RAPGEF4: variants seen among roughly 807,000 people sequenced by gnomAD.
RAPGEF4 encodes the protein RAP guanine-nucleotide-exchange factor (GEF) 4.
A neutral mutation model predicts 147.9 loss-of-function variants in RAPGEF4; 66 were observed. The ratio of observed to expected loss-of-function variants is 0.45; its 90% CI spans 0.37 to 0.55. RAPGEF4 has a LOEUF of 0.55. Ranked by LOEUF, RAPGEF4 falls within the 20% of genes least tolerant of loss-of-function variation. The pLI is 0.00. For synonymous variants in RAPGEF4, 419 were observed against 442.7 expected (o/e 0.95, Z 0.67); for missense variants, 1,071 against 1,257.3 (o/e 0.85, Z 2.24).
In RAPGEF4 at chr2:173,027,204, T is replaced by C; in HGVS notation, c.2503T>C (p.Ser835Pro). ...FWVVTEICLC[S>P]QLSKRVQLLK... ...GGTCGTCACTGAGATCTGCCTTTGT[T>C]CTCAGCTCAGCAAGCGTGTTCAGCT... The change falls in exon 25 of 31, where the codon TCT becomes CCT. Residue 835 changes from serine to proline, a missense_variant. Ser to Pro is a moderately conservative substitution (Grantham distance 74). Coordinates refer to ENST00000397081, the MANE Select transcript of RAPGEF4 (RefSeq NM_007023.4). The C allele has an allele frequency of 6.2e-7, 1 of 1,613,350 alleles. No homozygotes were observed. Among genetic ancestry groups the C allele is most frequent in the Non-Finnish European group, 8.5e-7 (1 of 1,179,854 alleles).
intron 17 of RAPGEF4, among the ~76,000 whole-genome samples, chr2:173,001,993 CAAAAAAAAA>C (rs11397728): frequency 1.3e-5 from 1 of 79,312 alleles, no homozygotes; most frequent in East Asian, 6.7e-4. Flanking sequence ...GTGATGCTGG[CAAAAAAAAA>C]AAAAAAAAAA....
chr2:173,022,818 T>C (rs1438381808), intron 23 of RAPGEF4, among the ~76,000 whole-genome samples: 1 of 152,190 alleles, frequency 6.6e-6, no homozygotes, highest in African/African-American at 2.4e-5. Context: ...TGGTTAAGGG[T>C]TCAGATTCTG....
intron 1 of RAPGEF4, among the ~76,000 whole-genome samples, chr2:172,768,980 C>T (rs1697106008): frequency 6.6e-6 from 1 of 152,180 alleles, no homozygotes; most frequent in African/African-American, 2.4e-5. Context: ...CCCACAGAAG[C>T]ACCAACATGG....
At chr2:172,780,639 G>A (rs1331654891) in intron 1 of RAPGEF4, among the ~76,000 whole-genome samples, 6 of 152,132 alleles carry the variant, frequency 3.9e-5, no homozygotes, top group Non-Finnish European at 8.8e-5. Flanking sequence ...GCATATTTTG[G>A]AGTGGAATAT....
At chr2:172,885,730 C>T (rs1358194059) in intron 4 of RAPGEF4, among the ~76,000 whole-genome samples, 1 of 152,150 alleles carries the variant, frequency 6.6e-6, no homozygotes, top group Non-Finnish European at 1.5e-5. Flanking sequence ...GGGCCCCTTC[C>T]ACAACACATA....
intron 4 of RAPGEF4, among the ~76,000 whole-genome samples, chr2:172,829,304 GT>G (rs1690030719): frequency 6.6e-6 from 1 of 152,222 alleles, no homozygotes; most frequent in African/African-American, 2.4e-5. Flanking sequence ...TCAGGCCGGG[GT>G]TCTTGAGTAG....
chr2:172,968,013 C>T (rs1690039992), intron 10 of RAPGEF4, among the ~76,000 whole-genome samples: 1 of 152,194 alleles, frequency 6.6e-6, no homozygotes, highest in Non-Finnish European at 1.5e-5. Context: ...CCCACCTTAC[C>T]TTCAGGAGCA....
intron 1 of RAPGEF4, among the ~76,000 whole-genome samples, chr2:172,752,392 A>G (rs1695381554): frequency 6.6e-6 from 1 of 152,070 alleles, no homozygotes; most frequent in South Asian, 2.1e-4. Flanking sequence ...TTGAATTTTT[A>G]TCATATTTTA....
chr2:172,847,494 CT>C (rs1227969144), intron 4 of RAPGEF4, among the ~76,000 whole-genome samples: 1 of 152,192 alleles, frequency 6.6e-6, no homozygotes, highest in Non-Finnish European at 1.5e-5. Flanking sequence ...CCTGGGACAT[CT>C]CACCTGACCA....
chr2:172,997,984 G>T (rs553756832), intron 16 of RAPGEF4, among the ~76,000 whole-genome samples: 3 of 152,264 alleles, frequency 2.0e-5, no homozygotes, highest in South Asian at 4.1e-4. Flanking sequence ...AGGATCACTG[G>T]CTCCAGGCCA....
intron 4 of RAPGEF4, among the ~76,000 whole-genome samples, chr2:172,871,157 A>G (rs966444643): frequency 2.6e-5 from 4 of 152,204 alleles, no homozygotes; most frequent in African/African-American, 9.7e-5. Context: ...AGACTGTATC[A>G]TATCTGAAAT....
chr2:172,834,925 A>G (rs1465603597), intron 4 of RAPGEF4, among the ~76,000 whole-genome samples: 1 of 152,120 alleles, frequency 6.6e-6, no homozygotes, highest in South Asian at 2.1e-4. Context: ...CATAATGGCA[A>G]TGTCATCCTT....
chr2:172,784,965 A>T (rs1416503510), intron 1 of RAPGEF4, among the ~76,000 whole-genome samples: 2 of 152,030 alleles, frequency 1.3e-5, no homozygotes, highest in Non-Finnish European at 2.9e-5. Context: ...AGCTGGGATT[A>T]CAGGCATGTG....
intron 1 of RAPGEF4, among the ~76,000 whole-genome samples, chr2:172,752,809 T>G (rs780331417): frequency 6.6e-6 from 1 of 152,234 alleles, no homozygotes; most frequent in East Asian, 1.9e-4. Flanking sequence ...AATATAATTT[T>G]ATTGTGCTCT....
At chr2:172,767,213 T>G (rs1045984764) in intron 1 of RAPGEF4, among the ~76,000 whole-genome samples, 16 of 151,550 alleles carry the variant, frequency 1.1e-4, no homozygotes, top group South Asian at 2.1e-4. Context: ...AGTTTTGCTC[T>G]TGTTGCCCAG....
chr2:172,986,250 G>C (rs1379061763), intron 12 of RAPGEF4, among the ~76,000 whole-genome samples: 2 of 152,210 alleles, frequency 1.3e-5, no homozygotes, highest in Non-Finnish European at 2.9e-5. Flanking sequence ...GCAATAAGGA[G>C]AAATGATCAC....
At chr2:172,755,465 G>A (rs1695682655) in intron 1 of RAPGEF4, among the ~76,000 whole-genome samples, 2 of 152,154 alleles carry the variant, frequency 1.3e-5, no homozygotes, top group African/African-American at 4.8e-5. Flanking sequence ...TGCAATCTCG[G>A]CTCACTGCAA....
At chr2:172,831,285 T>TTTTTTTTTTTTTTTTTTTTTTTTTTTA (rs1690303455) in intron 4 of RAPGEF4, among the ~76,000 whole-genome samples, 1 of 142,218 alleles carries the variant, frequency 7.0e-6, no homozygotes, top group Non-Finnish European at 1.5e-5. Flanking sequence ...TTTTTTTTTT[T>TTTTTTTTTTTTTTTTTTTTTTTTTTTA]GAGACAGAGT....
intron 4 of RAPGEF4, among the ~76,000 whole-genome samples, chr2:172,905,554 G>A (rs1404431462): frequency 1.3e-5 from 2 of 152,202 alleles, no homozygotes; most frequent in Non-Finnish European, 2.9e-5. Flanking sequence ...GGAGGAGAGA[G>A]CATCTCTAAC....
Sources: gnomAD v4.1 joint callset for allele counts (sites outside exome capture counted in the v4.1 genomes callset) on GRCh38, gnomAD v4.1.1 for gene constraint, MANE v1.5 for transcripts, NCBI Gene and HGNC (gene_info 2026-07-23, HGNC 2026-07-21) for gene names.